RYR2: variants seen among roughly 807,000 people sequenced by gnomAD.
The protein encoded by RYR2 is ryanodine receptor 2, also known as cardiac muscle ryanodine receptor-calcium release channel.
Under a neutral mutation model 601.1 loss-of-function variants are expected in RYR2, and 227 were observed. The ratio of observed to expected loss-of-function variants is 0.38; its 90% CI spans 0.34 to 0.42. RYR2 has a LOEUF of 0.42. RYR2 is among the 10% of genes least tolerant of loss of function. The pLI is 1.00. For missense variants in RYR2, 4,646 were observed against 6,156.5 expected (o/e 0.75, Z 8.21); for synonymous variants, 2,223 against 2,175.1 (o/e 1.02, Z -0.61).
chr1:237,568,675 T>G (rs1157158702), intron 28 of RYR2, among the ~76,000 whole-genome samples: 1 of 152,188 alleles, frequency 6.6e-6, no homozygotes, highest in East Asian at 1.9e-4. Flanking sequence ...GAATGAAATT[T>G]CATTTTGAAA....
At chr1:237,413,323 A>G (rs995381115) in intron 10 of RYR2, among the ~76,000 whole-genome samples, 1 of 152,170 alleles carries the variant, frequency 6.6e-6, no homozygotes, top group East Asian at 1.9e-4. Context: ...AAAATATTTC[A>G]GGTAGGAAGG....
At chr1:237,531,260 G>C (rs1278597465) in intron 25 of RYR2, among the ~76,000 whole-genome samples, 6 of 152,136 alleles carry the variant, frequency 3.9e-5, no homozygotes, top group Middle Eastern at 3.2e-3. Flanking sequence ...AGATGCTGTA[G>C]TACTGGTTTG....
At chr1:237,099,038 CA>C (rs1667790981) in intron 1 of RYR2, among the ~76,000 whole-genome samples, 1 of 152,104 alleles carries the variant, frequency 6.6e-6, no homozygotes, top group Non-Finnish European at 1.5e-5. Context: ...GACAACAAGC[CA>C]CCTTCTCCCG....
intron 79 of RYR2, among the ~76,000 whole-genome samples, chr1:237,739,814 TG>T (rs1691457614): frequency 6.6e-6 from 1 of 152,226 alleles, no homozygotes; most frequent in Non-Finnish European, 1.5e-5. Context: ...AAGGAATGCA[TG>T]AAATATACTT....
chr1:237,566,493 T>G (rs1226793091), intron 27 of RYR2, 74 bp from the exon 28 acceptor site: 36 of 1,411,888 alleles, frequency 2.5e-5, no homozygotes, highest in Non-Finnish European at 3.5e-5. Flanking sequence ...CTTTCCTTCT[T>G]TTATTTATGA....
intron 1 of RYR2, among the ~76,000 whole-genome samples, chr1:237,205,758 G>A (rs1256451699): frequency 6.6e-6 from 1 of 152,248 alleles, no homozygotes; most frequent in African/African-American, 2.4e-5. Flanking sequence ...CAAGGGCACG[G>A]CTGGAGACGG....
chr1:237,423,906 G>A (rs1366325643), intron 12 of RYR2, among the ~76,000 whole-genome samples: 1 of 152,142 alleles, frequency 6.6e-6, no homozygotes, highest in Non-Finnish European at 1.5e-5. Flanking sequence ...CTTCCGCATG[G>A]CTGGGAAGGC....
At chr1:237,105,169 G>C (rs901620426) in intron 1 of RYR2, among the ~76,000 whole-genome samples, 1 of 152,162 alleles carries the variant, frequency 6.6e-6, no homozygotes, top group African/African-American at 2.4e-5. Context: ...TTTGGGGAAG[G>C]CTGAAATTTT....
intron 1 of RYR2, among the ~76,000 whole-genome samples, chr1:237,057,284 C>G (rs1365195383): frequency 6.6e-6 from 1 of 152,088 alleles, no homozygotes; most frequent in Non-Finnish European, 1.5e-5. Flanking sequence ...CTCCCGGGTT[C>G]AAGCGATTCT....
chr1:237,082,756 ATTCT>A (rs1292283564), intron 1 of RYR2, among the ~76,000 whole-genome samples: 4 of 151,730 alleles, frequency 2.6e-5, no homozygotes, highest in East Asian at 1.9e-4. Context: ...TAGTGTTAAG[ATTCT>A]TTATTTGAGC....
Position 237,656,004 on chromosome 1 carries a change from C to A in RYR2, c.8129+20C>A, listed in dbSNP as rs755080362. 6.8e-6 allele frequency: 11 copies of A among 1,608,334 alleles called. No homozygotes were observed. In the South Asian group the frequency reaches 8.9e-5, roughly 13 times the overall value. On this transcript the variant is annotated intron_variant, in intron 53 of 104. Coordinates refer to ENST00000366574, the MANE Select transcript of RYR2 (RefSeq NM_001035.3). ...CTCAAAGTATGGACTCTTTCTATTG[C>A]AGCAGATTTTTATTGTAAATGATGT...
intron 12 of RYR2, among the ~76,000 whole-genome samples, chr1:237,435,918 C>T (rs926724600): frequency 1.3e-5 from 2 of 152,142 alleles, no homozygotes; most frequent in Non-Finnish European, 2.9e-5. Flanking sequence ...GTAAGCCTGA[C>T]ACCTGCCGTG....
intron 7 of RYR2, among the ~76,000 whole-genome samples, chr1:237,376,044 A>G (rs79510842): frequency 0.091 from 13,793 of 152,190 alleles, 654 homozygotes; most frequent in African/African-American, 0.11. Context: ...TTAAACTCAC[A>G]AGGCAGATAA....
chr1:237,343,807 A>G (rs774455484), intron 3 of RYR2, among the ~76,000 whole-genome samples: 8 of 150,768 alleles, frequency 5.3e-5, no homozygotes, highest in Non-Finnish European at 1.0e-4. Flanking sequence ...TAGTTTCCCC[A>G]TAAGAGGTTT....
intron 40 of RYR2, among the ~76,000 whole-genome samples, chr1:237,627,264 C>T (rs922824565): frequency 1.3e-5 from 2 of 152,162 alleles, no homozygotes; most frequent in South Asian, 2.1e-4. Flanking sequence ...TATAAATTCA[C>T]AATCAAATCC....
chr1:237,242,967 G>T (rs183790687), intron 1 of RYR2, among the ~76,000 whole-genome samples: 1 of 152,222 alleles, frequency 6.6e-6, no homozygotes, highest in Admixed American at 6.5e-5. Context: ...TTTTTCCAGG[G>T]TTGCAAACTC....
intron 63 of RYR2, among the ~76,000 whole-genome samples, chr1:237,695,150 G>T (rs1390405763): frequency 6.6e-6 from 1 of 151,738 alleles, no homozygotes; most frequent in African/African-American, 2.4e-5. Flanking sequence ...AAACAATTTG[G>T]GATTAATATG....
intron 83 of RYR2, among the ~76,000 whole-genome samples, chr1:237,760,555 C>T (rs769798190): frequency 1.3e-5 from 2 of 151,606 alleles, no homozygotes; most frequent in Non-Finnish European, 2.9e-5. Flanking sequence ...TTGCGGTAAT[C>T]GTTTTCCATT....
intron 25 of RYR2, among the ~76,000 whole-genome samples, chr1:237,547,722 T>G (rs1669971549): frequency 1.3e-5 from 2 of 152,244 alleles, no homozygotes; most frequent in South Asian, 4.1e-4. Context: ...CAACTTTGTA[T>G]TTCTTCCAAC....
Sources: gnomAD v4.1 joint callset for allele counts (sites outside exome capture counted in the v4.1 genomes callset) on GRCh38, gnomAD v4.1.1 for gene constraint, MANE v1.5 for transcripts, NCBI Gene and HGNC (gene_info 2026-07-23, HGNC 2026-07-21) for gene names.